FOCAD: variants seen among roughly 807,000 people sequenced by gnomAD.
FOCAD encodes focadhesin.
FOCAD carries 198 observed loss-of-function variants against 225.6 expected under a neutral mutation model. That is an observed-to-expected ratio of 0.88 (90% CI 0.78 to 0.99). The LOEUF is 0.99. Among genes scored for constraint, FOCAD ranks in the 50% least tolerant of loss-of-function variants. FOCAD has a pLI of 0.00. For missense variants in FOCAD, 2,713 were observed against 2,123.6 expected, an observed-to-expected ratio of 1.28 and a Z score of -5.46; for synonymous variants, 897 against 755.0, an observed-to-expected ratio of 1.19 and a Z score of -3.08.
rs1819388900 is a variant in FOCAD at position 20,781,740 on chromosome 9, C to T, written c.1008C>T (p.Leu336=). 1.2e-6 allele frequency: 2 copies of T among 1,613,586 alleles called. No individual in the cohort carries two copies. Among genetic ancestry groups the T allele is most frequent in the Non-Finnish European group, 1.7e-6 (2 of 1,179,960 alleles). ...KPILNLALKL[L]SVTEDQKIPK... ...TTTGATGAATAGCTTTGAAGCTCCT[C>T]TCTGTTACTGAGGATCAGAAAATCC... Residue 336 remains leucine (L), a synonymous_variant, in exon 10 of 44, where the codon CTC becomes CTT. Coordinates refer to ENST00000338382, the MANE Select transcript of FOCAD (RefSeq NM_001375567.1).
intron 6 of FOCAD, among the ~76,000 whole-genome samples, chr9:20,761,024 G>T (rs1405021819): frequency 2.6e-5 from 4 of 151,666 alleles, no homozygotes; most frequent in Non-Finnish European, 4.4e-5. Context: ...ATTTTTTGGG[G>T]GGGGGCGTTA....
At chr9:20,923,586 C>T in intron 24 of FOCAD, 74 bp from the exon 25 acceptor site, 4 of 1,132,272 alleles carry the variant, frequency 3.5e-6, no homozygotes, top group Admixed American at 4.0e-5. Flanking sequence ...TTCACCTGCC[C>T]TCCTATATTA....
At position 20,819,875 on chromosome 9, in the gene FOCAD, C is replaced by T. The variant is rs1824129233; in HGVS notation, c.1535C>T (p.Thr512Ile). ...EPILYNDILYTLPKLGVHKVC... is the reference protein window; with the variant it reads ...EPILYNDILYILPKLGVHKVC... ...ATATTATATAATGATATATTGTATA[C>T]TTTACCTAAGCTTGGTGTTCACAAG... The change falls in exon 12 of 44, where the codon ACT becomes ATT. Residue 512 changes from threonine (T) to isoleucine (I), a missense_variant. Transcript: ENST00000338382. 2 of 1,543,650 alleles carry T rather than the reference C, an allele frequency of 1.3e-6. No homozygotes were observed. Among genetic ancestry groups the T allele is most frequent in the Non-Finnish European group, 1.7e-6 (2 of 1,146,016 alleles).
chr9:20,972,564 G>T (rs1240038316), intron 35 of FOCAD, among the ~76,000 whole-genome samples: 4 of 151,466 alleles, frequency 2.6e-5, no homozygotes, highest in South Asian at 2.1e-4. Flanking sequence ...CTCTTTTTCA[G>T]TTTCTAGTTG....
intron 19 of FOCAD, among the ~76,000 whole-genome samples, chr9:20,877,885 G>A (rs1361625481): frequency 2.0e-5 from 3 of 151,982 alleles, no homozygotes; most frequent in Non-Finnish European, 4.4e-5. Flanking sequence ...TCCAGTCTGG[G>A]CAACAGAGAG....
At chr9:20,828,402 A>G (rs1453884290) in intron 15 of FOCAD, among the ~76,000 whole-genome samples, 1 of 152,036 alleles carries the variant, frequency 6.6e-6, no homozygotes, top group East Asian at 1.9e-4. Context: ...ACATTTGTGT[A>G]CAAGTTTTTG....
At chr9:20,812,967 A>G (rs1419872755) in intron 11 of FOCAD, among the ~76,000 whole-genome samples, 1 of 152,126 alleles carries the variant, frequency 6.6e-6, no homozygotes, top group South Asian at 2.1e-4. Flanking sequence ...GGATCTCTAG[A>G]ACTTTTTTTA....
At chr9:20,744,343 G>C (rs1260103663) in intron 5 of FOCAD, among the ~76,000 whole-genome samples, 10 of 152,274 alleles carry the variant, frequency 6.6e-5, no homozygotes, top group Admixed American at 3.9e-4. Flanking sequence ...AGAAACACTG[G>C]ATTAGAATCA....
intron 21 of FOCAD, among the ~76,000 whole-genome samples, chr9:20,899,302 A>G (rs4977795): frequency 0.63 from 95,888 of 151,060 alleles, 30,774 homozygotes; most frequent in African/African-American, 0.72. Context: ...ATGCCTGGGT[A>G]CACCTAGAGT....
At chr9:20,666,105 A>G (rs1167572843) in intron 2 of FOCAD, among the ~76,000 whole-genome samples, 3 of 152,086 alleles carry the variant, frequency 2.0e-5, no homozygotes, top group Non-Finnish European at 2.9e-5. Context: ...ATCTGGAATC[A>G]GGTGTGGGAA....
chr9:20,836,654 C>T (rs1402619767), intron 15 of FOCAD, among the ~76,000 whole-genome samples: 1 of 152,056 alleles, frequency 6.6e-6, no homozygotes, highest in Non-Finnish European at 1.5e-5. Context: ...TTATTTTTAA[C>T]TTTAAAAGGA....
intron 15 of FOCAD, among the ~76,000 whole-genome samples, chr9:20,829,304 C>G (rs1825249103): frequency 6.6e-6 from 1 of 152,080 alleles, no homozygotes; most frequent in South Asian, 2.1e-4. Flanking sequence ...TCTGTTATTT[C>G]TTGACCTTTT....
chr9:20,927,636 A>G (rs1167278735), intron 26 of FOCAD: 1 of 151,614 alleles, frequency 6.6e-6, no homozygotes, highest in Non-Finnish European at 1.5e-5. Context: ...TTTTCCTTTT[A>G]TTGGTCGTAG....
At chr9:20,820,617 A>G (rs1280152113) in intron 13 of FOCAD, among the ~76,000 whole-genome samples, 192 bp downstream of exon 13, 2 of 152,190 alleles carry the variant, frequency 1.3e-5, no homozygotes, top group Admixed American at 1.3e-4. Context: ...AATTGAGAAT[A>G]TAAAATCTCA....
At chr9:20,803,489 G>A (rs2131301874) in intron 11 of FOCAD, among the ~76,000 whole-genome samples, 1 of 152,240 alleles carries the variant, frequency 6.6e-6, no homozygotes, top group East Asian at 1.9e-4. Flanking sequence ...ATAGGGATTG[G>A]CTTATATGGC....
At chr9:20,817,266 A>T (rs917878430) in intron 11 of FOCAD, among the ~76,000 whole-genome samples, 1 of 152,172 alleles carries the variant, frequency 6.6e-6, no homozygotes, top group Non-Finnish European at 1.5e-5. Context: ...GGCTTTTATT[A>T]TATTTACAGA....
intron 6 of FOCAD, among the ~76,000 whole-genome samples, chr9:20,760,202 G>C (rs1829453353): frequency 6.6e-6 from 1 of 152,158 alleles, no homozygotes; most frequent in African/African-American, 2.4e-5. Flanking sequence ...CTGTGGCTGT[G>C]GTTTTCAAAC....
chr9:20,931,426 G>A (rs182000033), intron 27 of FOCAD, among the ~76,000 whole-genome samples: 20 of 152,166 alleles, frequency 1.3e-4, no homozygotes, highest in African/African-American at 4.6e-4. Flanking sequence ...CCAATTTGTT[G>A]GAATTGAGGA....
intron 11 of FOCAD, among the ~76,000 whole-genome samples, chr9:20,790,777 CA>C (rs896743839): frequency 6.6e-6 from 1 of 151,928 alleles, no homozygotes; most frequent in African/African-American, 2.4e-5. Context: ...AAAACAAAAA[CA>C]AAAAAACAAA....
Sources: gnomAD v4.1 joint callset for allele counts (sites outside exome capture counted in the v4.1 genomes callset) on GRCh38, gnomAD v4.1.1 for gene constraint, MANE v1.5 for transcripts, NCBI Gene and HGNC (gene_info 2026-07-23, HGNC 2026-07-21) for gene names.